The following DGKB variants were observed in gnomAD, a reference collection of about 807,000 sequenced individuals.
DGKB encodes diacylglycerol kinase beta.
A neutral mutation model predicts 114.3 loss-of-function variants in DGKB; 67 were observed. That is an observed-to-expected ratio of 0.59 (90% CI 0.48 to 0.72). The LOEUF (loss-of-function observed/expected upper bound fraction) is 0.72, where lower values mean the gene tolerates loss of function less well. DGKB is among the 30% of genes least tolerant of loss of function. The probability of loss-of-function intolerance (pLI) is 0.00; values close to 1 mark genes in which losing one functional copy is unlikely to be tolerated. For synonymous variants in DGKB, 398 were observed against 323.1 expected, an observed-to-expected ratio of 1.23 and a Z score of -2.49; for missense variants, 907 against 975.2, an observed-to-expected ratio of 0.93 and a Z score of 0.93.
At chr7:14,223,197 T>C (rs975328219) in intron 23 of DGKB, among the ~76,000 whole-genome samples, 3 of 151,698 alleles carry the variant, frequency 2.0e-5, no homozygotes, top group Non-Finnish European at 4.4e-5. Context: ...ATAAGTCTGA[T>C]GTCTTTGTTG....
chr7:14,779,749 G>A (rs1325491646), intron 2 of DGKB, among the ~76,000 whole-genome samples: 2 of 152,068 alleles, frequency 1.3e-5, no homozygotes, highest in African/African-American at 4.8e-5. Context: ...CATACACAGA[G>A]AGATTCAAAA....
At chr7:14,206,201 T>C (rs1786783225) in intron 23 of DGKB, among the ~76,000 whole-genome samples, 1 of 151,962 alleles carries the variant, frequency 6.6e-6, no homozygotes, top group South Asian at 2.1e-4. Context: ...AAATGTGTAA[T>C]TAAAACACCA....
At position 14,898,318 on chromosome 7, in the gene DGKB, A is replaced by C. The variant is rs140865435; in HGVS notation, c.-188+4274T>G. On this transcript the variant is annotated intron_variant, in intron 1 of 25. Coordinates refer to ENST00000402815, the MANE Select transcript of DGKB (RefSeq NM_001350709.2). ...GGGTTATAATAAGCCAGTTGTGGTTAATAGTGGATTTAGATCCTTTTGGTT... is the reference window on the plus strand; with the variant it reads ...GGGTTATAATAAGCCAGTTGTGGTTCATAGTGGATTTAGATCCTTTTGGTT... 1.2e-4 allele frequency among the ~76,000 whole-genome samples: 18 copies of C among 152,136 alleles called. 1 individual carries two copies. The highest frequency in any genetic ancestry group is 3.9e-4 in the Admixed American group (6 of 15,256).
chr7:14,277,436 G>C (rs1407926197), intron 23 of DGKB, among the ~76,000 whole-genome samples: 6 of 152,170 alleles, frequency 3.9e-5, no homozygotes, highest in Admixed American at 3.9e-4. Flanking sequence ...GCCTCCCAAA[G>C]TGCTGGGATT....
intron 25 of DGKB, among the ~76,000 whole-genome samples, chr7:14,159,004 ATT>A (rs1198009561): frequency 2.6e-5 from 4 of 152,116 alleles, no homozygotes; most frequent in Non-Finnish European, 5.9e-5. Context: ...CTAAATGGTC[ATT>A]ACCTCTCCCG....
At chr7:14,485,610 G>GAC (rs777906469) in intron 20 of DGKB, among the ~76,000 whole-genome samples, 5 of 152,096 alleles carry the variant, frequency 3.3e-5, no homozygotes, top group Non-Finnish European at 7.4e-5. Flanking sequence ...TTTAAATAGG[G>GAC]ACACCTGGCC....
At chr7:14,958,475 AC>A (rs1554353805) in intron 1 of DGKB, among the ~76,000 whole-genome samples, 13 of 144,272 alleles carry the variant, frequency 9.0e-5, no homozygotes, top group Non-Finnish European at 2.0e-4. Context: ...ACACACACAC[AC>A]CCCGTCCAGG....
intron 23 of DGKB, among the ~76,000 whole-genome samples, chr7:14,323,813 G>A (rs556682809): frequency 1.1e-4 from 17 of 152,218 alleles, no homozygotes; most frequent in African/African-American, 4.1e-4. Context: ...CACATTTCTG[G>A]TCTTGGCATG....
chr7:14,839,401 C>A (rs1197194408), intron 2 of DGKB, among the ~76,000 whole-genome samples: 3 of 148,948 alleles, frequency 2.0e-5, no homozygotes, highest in Non-Finnish European at 3.0e-5. Context: ...CTTTACTCTT[C>A]TTCTTCTTTT....
Position 14,324,283 on chromosome 7 carries a change from C to A in DGKB, c.2122+14232G>T, listed in dbSNP as rs970270122. On this transcript the variant is annotated intron_variant, in intron 23 of 25. Coordinates refer to ENST00000402815, the MANE Select transcript of DGKB (RefSeq NM_001350709.2). Reference sequence around the variant, plus strand: ...GGCCAACATGGTGAAATTGTCTCTACTAAAAATACAAAAATTAGCTAGGCA... The same window carrying A: ...GGCCAACATGGTGAAATTGTCTCTAATAAAAATACAAAAATTAGCTAGGCA... Among the ~76,000 whole-genome samples, 5 of 151,994 alleles carry A rather than the reference C, an allele frequency of 3.3e-5. No homozygotes were observed. The East Asian group carries it at 9.7e-4, about 30-fold the overall frequency.
intron 25 of DGKB, among the ~76,000 whole-genome samples, chr7:14,170,145 AAAAGAAAGAAAG>A (rs58897814): frequency 0.064 from 6,366 of 99,936 alleles, 396 homozygotes; most frequent in African/African-American, 0.091. Context: ...AAAAAAAAAA[AAAAGAAAGAAAG>A]AAAGAAAGAA....
At chr7:14,652,922 C>T (rs1242015575) in intron 13 of DGKB, among the ~76,000 whole-genome samples, 5 of 151,766 alleles carry the variant, frequency 3.3e-5, no homozygotes, top group Non-Finnish European at 7.4e-5. Flanking sequence ...CATCACTGGC[C>T]ATCAGAGAAA....
chr7:14,296,484 T>C (rs143886882), intron 23 of DGKB, among the ~76,000 whole-genome samples: 3 of 152,334 alleles, frequency 2.0e-5, no homozygotes, highest in Non-Finnish European at 2.9e-5. Context: ...TCTGTCTTTA[T>C]AGTAGAACGA....
At chr7:14,883,411 A>G (rs1341200985) in intron 1 of DGKB, among the ~76,000 whole-genome samples, 1 of 151,994 alleles carries the variant, frequency 6.6e-6, no homozygotes, top group Non-Finnish European at 1.5e-5. Context: ...AATGCCAGTG[A>G]AACACAAACA....
chr7:14,517,960 G>C (rs1468660644), intron 20 of DGKB, among the ~76,000 whole-genome samples: 1 of 152,060 alleles, frequency 6.6e-6, no homozygotes. Context: ...CCCATTCTGG[G>C]GTATACGCCC....
At chr7:14,452,392 T>C (rs953730555) in intron 21 of DGKB, among the ~76,000 whole-genome samples, 6 of 152,216 alleles carry the variant, frequency 3.9e-5, no homozygotes, top group Admixed American at 3.9e-4. Flanking sequence ...AAATAATATT[T>C]ACTTTGCAAT....
intron 2 of DGKB, among the ~76,000 whole-genome samples, chr7:14,770,629 G>C (rs1482237525): frequency 1.3e-5 from 2 of 152,092 alleles, no homozygotes; most frequent in Admixed American, 1.3e-4. Context: ...GATATCTCTA[G>C]GGAATTCTAG....
At chr7:14,846,261 C>G (rs1848613611) in intron 1 of DGKB, among the ~76,000 whole-genome samples, 1 of 152,170 alleles carries the variant, frequency 6.6e-6, no homozygotes, top group Non-Finnish European at 1.5e-5. Context: ...AATAAATCCT[C>G]TCTTTCTCAC....
intron 1 of DGKB, among the ~76,000 whole-genome samples, chr7:14,917,390 C>A (rs893054612): frequency 6.6e-6 from 1 of 151,838 alleles, no homozygotes; most frequent in East Asian, 1.9e-4. Context: ...AGGCCACTAA[C>A]AAGAGAGAGA....
Sources: allele counts gnomAD v4.1 joint callset (sites outside exome capture counted in the v4.1 genomes callset), GRCh38; gene constraint gnomAD v4.1.1; transcripts MANE v1.5; gene names NCBI Gene and HGNC (gene_info 2026-07-23, HGNC 2026-07-21).